Variants in CPAP observed in about 807,000 individuals in gnomAD.
The protein encoded by CPAP is centrosome assembly and centriole elongation protein, also known as centrosomal P4.1-associated protein.
At chr13:24,912,637 G>T in the CPAP span, 8 of 1,613,566 alleles carry the variant, frequency 5.0e-6, no homozygotes, top group East Asian at 1.8e-4. Context: ...GAATTCACTC[G>T]CAAGATCTGG....
chr13:24,912,459 T>C, the CPAP span: 3 of 811,996 alleles, frequency 3.7e-6, no homozygotes, highest in East Asian at 2.6e-5. Flanking sequence ...AAGGGCAAAA[T>C]CTGGTATTCT....
the CPAP span, among the ~76,000 whole-genome samples, chr13:24,924,202 A>T: frequency 1.3e-5 from 2 of 152,294 alleles, no homozygotes; most frequent in South Asian, 4.1e-4. Flanking sequence ...TCACACAGCT[A>T]CTTAAGATGC....
the CPAP span, among the ~76,000 whole-genome samples, chr13:24,913,272 T>C: frequency 6.6e-6 from 1 of 152,092 alleles, no homozygotes; most frequent in Non-Finnish European, 1.5e-5. Flanking sequence ...ATAACCAAAT[T>C]GAGTAGATCA....
At chr13:24,909,035 A>G in the CPAP span, among the ~76,000 whole-genome samples, 10 of 152,268 alleles carry the variant, frequency 6.6e-5, no homozygotes, top group Admixed American at 5.9e-4. Context: ...ACACATACAT[A>G]CACTGACAAA....
At chr13:24,919,562 A>T in the CPAP span, among the ~76,000 whole-genome samples, 1 of 151,806 alleles carries the variant, frequency 6.6e-6, no homozygotes, top group African/African-American at 2.4e-5. Context: ...CCAGGACCAT[A>T]GGCATATACC....
chr13:24,908,428 G>A, the CPAP span, among the ~76,000 whole-genome samples: 12 of 74,188 alleles, frequency 1.6e-4, no homozygotes, highest in Admixed American at 6.4e-4. Flanking sequence ...GCGAAACCCC[G>A]TCTCTACAAA....
At chr13:24,921,941 T>C in the CPAP span, among the ~76,000 whole-genome samples, 2 of 152,174 alleles carry the variant, frequency 1.3e-5, no homozygotes, top group Admixed American at 6.5e-5. Context: ...CTACTTATTA[T>C]TGATACTGAG....
At chr13:24,909,950 G>A in the CPAP span, 3 of 1,614,188 alleles carry the variant, frequency 1.9e-6, no homozygotes, top group Non-Finnish European at 2.5e-6. Flanking sequence ...GGGATAAAAT[G>A]TTGGACGGGT....
At chr13:24,887,240 A>T in the CPAP span, among the ~76,000 whole-genome samples, 1 of 152,338 alleles carries the variant, frequency 6.6e-6, no homozygotes, top group South Asian at 2.1e-4. Flanking sequence ...CTAGGAGAAG[A>T]TACTGATTTG....
the CPAP span, among the ~76,000 whole-genome samples, chr13:24,916,609 G>T: frequency 6.6e-6 from 1 of 152,292 alleles, no homozygotes; most frequent in East Asian, 1.9e-4. Flanking sequence ...TCAACTTGAA[G>T]AAACTCTTTT....
the CPAP span, among the ~76,000 whole-genome samples, chr13:24,883,714 A>AGTT: frequency 6.6e-6 from 1 of 152,160 alleles, no homozygotes; most frequent in Non-Finnish European, 1.5e-5. Flanking sequence ...TGGGGAAGAG[A>AGTT]GTTAGTTATT....
the CPAP span, among the ~76,000 whole-genome samples, chr13:24,919,624 T>A: frequency 6.6e-6 from 1 of 152,336 alleles, no homozygotes; most frequent in East Asian, 1.9e-4. Context: ...CCCCCTGTGT[T>A]GCCCATGCTG....
the CPAP span, chr13:24,908,238 A>G: frequency 1.4e-6 from 1 of 716,922 alleles, no homozygotes; most frequent in Non-Finnish European, 2.4e-6. Flanking sequence ...AAAGTAATGT[A>G]TATCACAGAT....
At chr13:24,905,281 A>G in the CPAP span, 1 of 1,443,108 alleles carries the variant, frequency 6.9e-7, no homozygotes, top group Non-Finnish European at 9.7e-7. Context: ...AAGCATTCTG[A>G]CAGCATACTG....
chr13:24,930,422 G>T, the CPAP span, among the ~76,000 whole-genome samples: 1 of 152,228 alleles, frequency 6.6e-6, no homozygotes, highest in Admixed American at 6.5e-5. Flanking sequence ...CCCAGATACT[G>T]AGCATTGTAC....
the CPAP span, among the ~76,000 whole-genome samples, chr13:24,901,102 T>C: frequency 6.6e-6 from 1 of 152,048 alleles, no homozygotes; most frequent in Non-Finnish European, 1.5e-5. Context: ...ACCGGACAAG[T>C]CTCTCCCTGC....
the CPAP span, chr13:24,903,892 C>T: frequency 6.2e-7 from 1 of 1,609,004 alleles, no homozygotes. Context: ...TGAGTCACTG[C>T]ATATTTTTTC....
At chr13:24,884,904 C>T in the CPAP span, among the ~76,000 whole-genome samples, 5 of 152,324 alleles carry the variant, frequency 3.3e-5, no homozygotes, top group East Asian at 5.8e-4. Flanking sequence ...CCCTTTCTTC[C>T]TCATTCCCTT....
the CPAP span, chr13:24,884,182 GT>G: frequency 1.2e-6 from 2 of 1,614,184 alleles, no homozygotes; most frequent in Non-Finnish European, 1.7e-6. Context: ...CTTGAGAAAT[GT>G]AAGACTTCCA....
Sources: allele counts gnomAD v4.1 joint callset (sites outside exome capture counted in the v4.1 genomes callset), GRCh38; gene constraint gnomAD v4.1.1; transcripts MANE v1.5; gene names NCBI Gene and HGNC (gene_info 2026-07-23, HGNC 2026-07-21).